ELP4: variants seen among roughly 807,000 people sequenced by gnomAD.
ELP4 encodes the protein elongator complex protein 4.
A neutral mutation model predicts 48.9 loss-of-function variants in ELP4; 51 were observed. The ratio of observed to expected loss-of-function variants is 1.04; its 90% CI spans 0.83 to 1.32. The LOEUF (loss-of-function observed/expected upper bound fraction) is 1.32. Among genes scored for constraint, ELP4 ranks in the 40% most tolerant of loss-of-function variants. ELP4 has a pLI of 0.00. For missense variants in ELP4, 519 were observed against 514.6 expected (o/e 1.01, Z -0.08); for synonymous variants, 210 against 189.2 (o/e 1.11, Z -0.90).
rs968027468 is a variant in ELP4 at position 31,789,900 on chromosome 11, ATATTTCCTTTCCTTT to A, written c.*6378_*6392del. The A allele has an allele frequency of 1.9e-6, 3 of 1,544,224 alleles. No homozygotes were observed. The African/African-American group carries it at 4.2e-5, about 22-fold the overall frequency. On this transcript the variant is annotated 3_prime_UTR_variant, in exon 10 of 10. Coordinates refer to ENST00000640961, the MANE Select transcript of ELP4 (RefSeq NM_019040.5). ...CATAGTCACTGACTGAATTAACACA[ATATTTCCTTTCCTTT>A]TTTTTTTTTTTTTTTTTTTTACTGT...
At chr11:31,781,824 T>G (rs1948384579) in intron 9 of ELP4, among the ~76,000 whole-genome samples, 1 of 152,184 alleles carries the variant, frequency 6.6e-6, no homozygotes, top group Non-Finnish European at 1.5e-5. Context: ...TACCTTTGTT[T>G]CTGCCTGAAA....
chr11:31,720,536 C>A (rs1050246595), intron 9 of ELP4, among the ~76,000 whole-genome samples: 1 of 216 alleles, frequency 4.6e-3, no homozygotes, highest in Non-Finnish European at 0.011. Context: ...AAGTCTCTTT[C>A]AGTGCTTAGC....
intron 9 of ELP4, among the ~76,000 whole-genome samples, chr11:31,726,181 G>A (rs1947072343): frequency 6.6e-6 from 1 of 152,088 alleles, no homozygotes; most frequent in East Asian, 1.9e-4. Context: ...CAGGATATAA[G>A]ATCAGAAAAG....
chr11:31,519,523 G>A (rs1426825822), intron 1 of ELP4, among the ~76,000 whole-genome samples: 1 of 152,064 alleles, frequency 6.6e-6, no homozygotes, highest in Non-Finnish European at 1.5e-5. Flanking sequence ...GTATATTATG[G>A]TAGTAATTTT....
chr11:31,712,979 T>G (rs945719896), intron 9 of ELP4, among the ~76,000 whole-genome samples: 1 of 152,186 alleles, frequency 6.6e-6, no homozygotes, highest in Non-Finnish European at 1.5e-5. Context: ...CTTGTAATAT[T>G]CTCTCTTCAT....
At chr11:31,725,953 A>G (rs534623293) in intron 9 of ELP4, among the ~76,000 whole-genome samples, 17 of 152,302 alleles carry the variant, frequency 1.1e-4, no homozygotes, top group South Asian at 2.1e-4. Context: ...GACACACAGT[A>G]AAAAAATTTT....
At chr11:31,658,816 T>G (rs1285571973) in intron 9 of ELP4, among the ~76,000 whole-genome samples, 1 of 152,056 alleles carries the variant, frequency 6.6e-6, no homozygotes, top group Non-Finnish European at 1.5e-5. Context: ...TGAATTCATT[T>G]TTCAAATTTC....
intron 9 of ELP4, among the ~76,000 whole-genome samples, chr11:31,722,069 A>G (rs1283163663): frequency 2.0e-5 from 3 of 152,176 alleles, no homozygotes; most frequent in African/African-American, 7.2e-5. Flanking sequence ...TGGGTGAAAA[A>G]TTGTAACTTA....
intron 7 of ELP4, chr11:31,646,700 C>A (rs1945204870): frequency 6.6e-6 from 1 of 151,518 alleles, no homozygotes. Context: ...GTGGGCATTA[C>A]CATTGTATAA....
chr11:31,732,829 G>A (rs544897694), intron 9 of ELP4, among the ~76,000 whole-genome samples: 139 of 152,290 alleles, frequency 9.1e-4, no homozygotes, highest in Non-Finnish European at 1.0e-3. Context: ...AGGACATTAC[G>A]TAATGATAAG....
intron 2 of ELP4, 99 bp from the exon 3 acceptor site, chr11:31,539,563 G>A (rs1475376787): frequency 3.7e-5 from 48 of 1,280,018 alleles, no homozygotes; most frequent in Non-Finnish European, 4.7e-5. Context: ...TTGTTTTAAG[G>A]AAAAAAAATA....
chr11:31,659,110 T>C (rs1051021399), intron 9 of ELP4, among the ~76,000 whole-genome samples: 1 of 152,108 alleles, frequency 6.6e-6, no homozygotes, highest in Non-Finnish European at 1.5e-5. Flanking sequence ...AAAGGTAGAA[T>C]TGTGGACCAT....
At chr11:31,697,927 G>C (rs558166694) in intron 9 of ELP4, among the ~76,000 whole-genome samples, 1 of 151,518 alleles carries the variant, frequency 6.6e-6, no homozygotes, top group South Asian at 2.1e-4. Context: ...TTGAACTTTA[G>C]TAGTGCTTCT....
At chr11:31,604,810 T>A (rs1592152329) in intron 5 of ELP4, among the ~76,000 whole-genome samples, 1 of 151,914 alleles carries the variant, frequency 6.6e-6, no homozygotes, top group Admixed American at 6.6e-5. Flanking sequence ...TATTATGGAG[T>A]TCTCCAATCT....
intron 9 of ELP4, among the ~76,000 whole-genome samples, chr11:31,676,404 G>A (rs1299534018): frequency 6.6e-6 from 1 of 152,074 alleles, no homozygotes; most frequent in Non-Finnish European, 1.5e-5. Context: ...CTAATATGCT[G>A]TATAATTTTC....
At chr11:31,568,178 A>G (rs1348371487) in intron 3 of ELP4, among the ~76,000 whole-genome samples, 1 of 152,212 alleles carries the variant, frequency 6.6e-6, no homozygotes, top group Non-Finnish European at 1.5e-5. Flanking sequence ...CTGAGAGCCA[A>G]ATCAAGAATG....
Position 31,574,208 on chromosome 11 carries a change from C to T in ELP4, c.382-20562C>T, listed in dbSNP as rs553579330. 4.6e-5 allele frequency among the ~76,000 whole-genome samples: 7 copies of T among 152,280 alleles called. No individual in the cohort carries two copies. The South Asian group carries it at 1.4e-3, about 32-fold the overall frequency. On this transcript the variant is annotated intron_variant, in intron 3 of 9. Transcript: ENST00000640961. ...ATGTGCTTTTTCAGCAGTCTGAGAT[C>T]GAACTGCAAGGCAGCAGCGAGGCTG...
intron 9 of ELP4, among the ~76,000 whole-genome samples, chr11:31,754,850 T>C (rs10835815): frequency 0.32 from 49,363 of 151,920 alleles, 9,226 homozygotes; most frequent in African/African-American, 0.52. Flanking sequence ...TCAGCCTGGG[T>C]GACAGAGCAA....
chr11:31,647,613 T>C, intron 7 of ELP4, 128 bp from the exon 8 acceptor site: 1 of 596,016 alleles, frequency 1.7e-6, no homozygotes, highest in South Asian at 2.3e-5. Flanking sequence ...GCTTTAACTT[T>C]TAAGTTATTT....
Sources: gnomAD v4.1 joint callset for allele counts (sites outside exome capture counted in the v4.1 genomes callset) on GRCh38, gnomAD v4.1.1 for gene constraint, MANE v1.5 for transcripts, NCBI Gene and HGNC (gene_info 2026-07-23, HGNC 2026-07-21) for gene names.